GSE1: variants seen among roughly 807,000 people sequenced by gnomAD.
GSE1 encodes the protein genetic suppressor element 1.
GSE1 carries 32 observed loss-of-function variants against 112.6 expected under a neutral mutation model. The observed-to-expected ratio is 0.28, with a 90% confidence interval of 0.21 to 0.38. The LOEUF is 0.38. GSE1 is among the 10% of genes least tolerant of loss of function. The pLI is 1.00. For missense variants in GSE1, 2,348 were observed against 1,699.2 expected, an observed-to-expected ratio of 1.38 and a Z score of -6.71; for synonymous variants, 1,115 against 735.6, an observed-to-expected ratio of 1.52 and a Z score of -8.35.
Position 85,666,326 on chromosome 16 carries a change from A to C in GSE1, c.3109A>C (p.Lys1037Gln). The change falls in exon 13 of 16, where the codon AAG becomes CAG. Residue 1037 changes from lysine to glutamine, a missense_variant. Transcript: ENST00000253458. ...CGAGTCAGTGCTGCAGTCCACCCAG[A>C]AGGCCCTGCAGAAGCATAAAGGTAA... Reference protein sequence around the residue: ...FHESVLQSTQKALQKHKGSVA... With the variant: ...FHESVLQSTQQALQKHKGSVA... 1 of 1,613,768 alleles carries C rather than the reference A, an allele frequency of 6.2e-7. No homozygotes were observed. The highest frequency in any genetic ancestry group is 8.5e-7 in the Non-Finnish European group (1 of 1,180,006).
intron 2 of GSE1, among the ~76,000 whole-genome samples, chr16:85,533,135 G>A (rs942047012): frequency 1.1e-4 from 17 of 152,048 alleles, no homozygotes; most frequent in Admixed American, 4.6e-4. Flanking sequence ...CTGTTTGGCC[G>A]GGCGTGGTGG....
Position 85,576,493 on chromosome 16 carries a change from A to G in GSE1, c.37+20130A>G, listed in dbSNP as rs372483738. Reference sequence around the variant, plus strand: ...TTGGTCTCTGCTAGAGGCCTGGGGTAGATGCTGGAGCTCGGATCACCTGAC... The same window carrying G: ...TTGGTCTCTGCTAGAGGCCTGGGGTGGATGCTGGAGCTCGGATCACCTGAC... On this transcript the variant is annotated intron_variant, in intron 1 of 2. Transcript: ENST00000635906. 3.9e-5 allele frequency among the ~76,000 whole-genome samples: 6 copies of G among 152,274 alleles called. 1 individual carries two copies. The highest frequency in any genetic ancestry group is 1.4e-4 in the African/African-American group (6 of 41,552).
chr16:85,541,712 C>T (rs541393097), intron 2 of GSE1, among the ~76,000 whole-genome samples: 8 of 152,294 alleles, frequency 5.3e-5, no homozygotes, highest in African/African-American at 1.4e-4. Context: ...GAGGACAGAG[C>T]GGCAGGGATG....
intron 2 of GSE1, among the ~76,000 whole-genome samples, chr16:85,478,260 C>A (rs2050523596): frequency 6.6e-6 from 1 of 152,088 alleles, no homozygotes; most frequent in African/African-American, 2.4e-5. Context: ...GGCACGGTGG[C>A]TCATGCCTGT....
chr16:85,371,104 C>A (rs953103126), intron 2 of GSE1, among the ~76,000 whole-genome samples: 1 of 152,224 alleles, frequency 6.6e-6, no homozygotes, highest in East Asian at 1.9e-4. Flanking sequence ...GTCCTCTTCT[C>A]CTCCCACCCT....
At chr16:85,250,214 A>G (rs909326939) in intron 1 of GSE1, among the ~76,000 whole-genome samples, 1 of 152,170 alleles carries the variant, frequency 6.6e-6, no homozygotes, top group South Asian at 2.1e-4. Context: ...GAGGGAGGCC[A>G]AGTGGCCTTT....
intron 1 of GSE1, among the ~76,000 whole-genome samples, chr16:85,291,404 A>T (rs992609053): frequency 6.6e-6 from 1 of 152,048 alleles, no homozygotes; most frequent in South Asian, 2.1e-4. Context: ...ATCCAGCAGC[A>T]TTTTCTGGAT....
At chr16:85,586,625 C>T (rs1163503562) in intron 1 of GSE1, among the ~76,000 whole-genome samples, 2 of 152,214 alleles carry the variant, frequency 1.3e-5, no homozygotes, top group African/African-American at 2.4e-5. Context: ...CTCACGGGCC[C>T]GACGCCGGCC....
chr16:85,647,174 C>G (rs1033060180), intron 2 of GSE1, among the ~76,000 whole-genome samples: 7 of 152,196 alleles, frequency 4.6e-5, no homozygotes, highest in African/African-American at 1.7e-4. Flanking sequence ...GCGGCCCTGC[C>G]CGTCCATGCC....
intron 11 of GSE1, among the ~76,000 whole-genome samples, chr16:85,664,328 C>G (rs1004391186): frequency 3.4e-4 from 52 of 152,326 alleles, no homozygotes; most frequent in African/African-American, 1.1e-3. Flanking sequence ...AGCAGAGTTA[C>G]TTCTTGGACC....
chr16:85,447,679 G>A (rs1249391821), intron 2 of GSE1, among the ~76,000 whole-genome samples: 3 of 152,182 alleles, frequency 2.0e-5, no homozygotes, highest in Admixed American at 6.5e-5. Context: ...TGTGGGGCTC[G>A]GAGCTTCTGT....
At chr16:85,636,552 C>T (rs769071978) in intron 2 of GSE1, among the ~76,000 whole-genome samples, 16 of 152,210 alleles carry the variant, frequency 1.1e-4, no homozygotes, top group African/African-American at 2.9e-4. Flanking sequence ...CACGTTTCCC[C>T]GTCCATGGAA....
chr16:85,656,852 G>T (rs917746977), intron 7 of GSE1, among the ~76,000 whole-genome samples, 187 bp downstream of exon 7: 3 of 152,284 alleles, frequency 2.0e-5, no homozygotes, highest in Non-Finnish European at 4.4e-5. Flanking sequence ...AGACACAGTG[G>T]ATATAGCTGA....
intron 1 of GSE1, chr16:85,285,747 C>T (rs1041619211): frequency 6.6e-6 from 1 of 152,118 alleles, no homozygotes; most frequent in African/African-American, 2.4e-5. Flanking sequence ...CTGCCCCAGA[C>T]CTAGAATCAG....
At chr16:85,492,136 G>A (rs916448649) in intron 2 of GSE1, among the ~76,000 whole-genome samples, 2 of 152,230 alleles carry the variant, frequency 1.3e-5, no homozygotes, top group East Asian at 1.9e-4. Context: ...CGGAGCCTCC[G>A]GTTGACTTGC....
chr16:85,503,822 T>A (rs968791467), intron 2 of GSE1, among the ~76,000 whole-genome samples: 1 of 152,182 alleles, frequency 6.6e-6, no homozygotes, highest in African/African-American at 2.4e-5. Context: ...GATACAAGAC[T>A]ATCATCACCC....
At chr16:85,191,075 A>G (rs1367276459) in intron 1 of GSE1, among the ~76,000 whole-genome samples, 2 of 152,204 alleles carry the variant, frequency 1.3e-5, no homozygotes, top group Non-Finnish European at 2.9e-5. Context: ...CCTGGCCAAC[A>G]TGGTGAAACC....
intron 2 of GSE1, among the ~76,000 whole-genome samples, chr16:85,372,132 C>T (rs1016874980): frequency 6.6e-6 from 1 of 152,130 alleles, no homozygotes; most frequent in African/African-American, 2.4e-5. Flanking sequence ...TCACAGCTAG[C>T]GCGGGACTGT....
At chr16:85,589,124 G>C (rs1293132402) in intron 1 of GSE1, among the ~76,000 whole-genome samples, 2 of 151,798 alleles carry the variant, frequency 1.3e-5, no homozygotes, top group East Asian at 3.9e-4. Flanking sequence ...CCTCCTCTCT[G>C]CCCAGCTGGG....
Sources: allele counts gnomAD v4.1 joint callset (sites outside exome capture counted in the v4.1 genomes callset), GRCh38; gene constraint gnomAD v4.1.1; transcripts MANE v1.5; gene names NCBI Gene and HGNC (gene_info 2026-07-23, HGNC 2026-07-21).